ZNF484: variants seen among roughly 807,000 people sequenced by gnomAD.
The protein encoded by ZNF484 is KRAB box containing C2H2 type zinc finger bA526D8.4.
Under a neutral mutation model 12.9 loss-of-function variants are expected in ZNF484, and 11 were observed. The ratio of observed to expected loss-of-function variants is 0.85; its 90% CI spans 0.54 to 1.41. The LOEUF (loss-of-function observed/expected upper bound fraction) is 1.41. Ranked by LOEUF, ZNF484 falls within the 40% of genes most tolerant of loss-of-function variation. The probability of loss-of-function intolerance (pLI) is 0.00; values close to 1 mark genes in which losing one functional copy is unlikely to be tolerated. For synonymous variants in ZNF484, 289 were observed against 334.1 expected (o/e 0.86, Z 1.47); for missense variants, 807 against 1,007.7 (o/e 0.80, Z 2.70).
chr9:92,852,162 T>A (rs1856129589), intron 4 of ZNF484, among the ~76,000 whole-genome samples: 1 of 152,260 alleles, frequency 6.6e-6, no homozygotes. Flanking sequence ...AGTAAAAGCC[T>A]CAGTTATCAT....
intron 2 of ZNF484, among the ~76,000 whole-genome samples, chr9:92,866,106 T>C (rs892980917): frequency 9.2e-5 from 14 of 152,330 alleles, no homozygotes; most frequent in African/African-American, 3.4e-4. Context: ...AATGACACTT[T>C]GAACACACAC....
intron 2 of ZNF484, among the ~76,000 whole-genome samples, chr9:92,858,038 C>T (rs948775768): frequency 1.3e-5 from 2 of 152,018 alleles, no homozygotes; most frequent in Non-Finnish European, 2.9e-5. Context: ...CTGCCTACAA[C>T]TTATTATACA....
Position 92,844,230 on chromosome 9 carries a change from C to T in ZNF484, c.*1998G>A, listed in dbSNP as rs911183186. On this transcript the variant is annotated 3_prime_UTR_variant, in exon 5 of 5. Transcript: ENST00000375495. ...ATTGTCTGGCAAGTGATATAAAAATCACCATATGAGGAGATAGGACATCAG... is the reference window on the plus strand; with the variant it reads ...ATTGTCTGGCAAGTGATATAAAAATTACCATATGAGGAGATAGGACATCAG... Among the ~76,000 whole-genome samples the T allele has an allele frequency of 6.6e-6, 1 of 152,140 alleles. No homozygotes were observed. Among genetic ancestry groups the T allele is most frequent in the Non-Finnish European group, 1.5e-5 (1 of 68,024 alleles).
At position 92,856,195 on chromosome 9, in the gene ZNF484, C is replaced by A; in HGVS notation, c.139G>T (p.Val47Leu). ...TACCCAGCAGAGCCGTGCTTACCCACTGAGATCAAGTTGAAATAGTTTTCC... is the reference window on the plus strand; with the variant it reads ...TACCCAGCAGAGCCGTGCTTACCCAATGAGATCAAGTTGAAATAGTTTTCC... The part of the protein sequence containing the change: ...MLENYFNLIS[V>L]GCQVPKPEVI... The change falls in exon 3 of 5, where the codon GTG becomes TTG. Residue 47 changes from valine to leucine, a missense_variant. Physicochemically the swap from Val to Leu is conservative, Grantham distance 32 (BLOSUM62 1). Coordinates refer to ENST00000375495, the MANE Select transcript of ZNF484 (RefSeq NM_031486.4). 6.2e-7 allele frequency: 1 copy of A among 1,613,764 alleles called. No individual in the cohort carries two copies. Among genetic ancestry groups the A allele is most frequent in the Non-Finnish European group, 8.5e-7 (1 of 1,179,918 alleles).
chr9:92,867,603 A>G (rs556434657), intron 2 of ZNF484, among the ~76,000 whole-genome samples: 23 of 152,352 alleles, frequency 1.5e-4, no homozygotes, highest in South Asian at 1.2e-3. Flanking sequence ...CATTCTGCAC[A>G]TGTATCCTGG....
chr9:92,871,000 C>G (rs1038018750), intron 2 of ZNF484, among the ~76,000 whole-genome samples: 3 of 152,164 alleles, frequency 2.0e-5, no homozygotes, highest in Non-Finnish European at 2.9e-5. Flanking sequence ...CAAATAAGAT[C>G]TAGAGTCTCA....
At position 92,858,616 on chromosome 9, in the gene ZNF484, A is replaced by G. The variant is rs377157937; in HGVS notation, c.16-2298T>C. ...CAAAATTTAAAATAATGGAAATAAT[A>G]ATGCAAAAATGGGAGGCAGTAAATA... On this transcript the variant is annotated intron_variant, in intron 2 of 4. Coordinates refer to ENST00000375495, the MANE Select transcript of ZNF484 (RefSeq NM_031486.4). Among the ~76,000 whole-genome samples, 27 of 152,340 alleles carry G rather than the reference A, an allele frequency of 1.8e-4. 1 individual carries two copies. In the East Asian group the frequency reaches 3.1e-3, roughly 17 times the overall value.
chr9:92,856,125 TCTA>T (rs1856433474), intron 3 of ZNF484, 64 bp downstream of exon 3: 2 of 1,590,172 alleles, frequency 1.3e-6, no homozygotes, highest in Non-Finnish European at 1.7e-6. Flanking sequence ...CTTCAGCAAT[TCTA>T]CTGAGAAGAA....
At position 92,848,197 on chromosome 9, in the gene ZNF484, G is replaced by A. The variant is rs976052507; in HGVS notation, c.590C>T (p.Ala197Val). Residue 197 changes from alanine to valine, a missense_variant, in exon 5 of 5, where the codon GCA becomes GTA. Ala to Val is a moderately conservative substitution (Grantham distance 64, BLOSUM62 0). Transcript: ENST00000375495. The surrounding 1 kb of genome is among the most constrained non-coding windows in gnomAD (Gnocchi z 4.1). ...PIITLYNRNN[A>V]TENSDKTIGD... is the part of the protein sequence containing the mutation. ...AATAGTCTTATCAGAATTTTCTGTT[G>A]CATTGTTTCTATTATATAAGGTTAT... 6.2e-7 allele frequency: 1 copy of A among 1,614,038 alleles called. No individual in the cohort carries two copies. Among genetic ancestry groups the A allele is most frequent in the African/African-American group, 1.3e-5 (1 of 75,014 alleles).
intron 2 of ZNF484, among the ~76,000 whole-genome samples, chr9:92,861,647 T>G (rs1478906462): frequency 3.3e-5 from 5 of 152,144 alleles, no homozygotes; most frequent in Non-Finnish European, 7.4e-5. Flanking sequence ...AAATGATTGT[T>G]TCATCAATTC....
chr9:92,875,450 G>C (rs948134044), intron 1 of ZNF484, among the ~76,000 whole-genome samples: 3 of 152,120 alleles, frequency 2.0e-5, no homozygotes, highest in Non-Finnish European at 2.9e-5. Context: ...TTGGTGCCCA[G>C]AGACTACTCC....
chr9:92,859,448 T>G (rs1356763178), intron 2 of ZNF484, among the ~76,000 whole-genome samples: 1 of 152,054 alleles, frequency 6.6e-6, no homozygotes, highest in East Asian at 1.9e-4. Context: ...GAGAGGGAGC[T>G]CCTACATATT....
At position 92,855,828 on chromosome 9, in the gene ZNF484, G is replaced by A. The variant is rs1348303460; in HGVS notation, c.218C>T (p.Pro73Leu). ...EEPCMLDGEI[P>L]SQSRPDGDIG... ...CTTCTCACCTGGACGGCTCTGACTG[G>A]GGATCTCACCATCCAACATACATGG... Residue 73 changes from proline (P) to leucine (L), a missense_variant, in exon 4 of 5, where the codon CCC becomes CTC. Coordinates refer to ENST00000375495, the MANE Select transcript of ZNF484 (RefSeq NM_031486.4). 5 of 1,613,938 alleles carry A rather than the reference G, an allele frequency of 3.1e-6. No individual in the cohort carries two copies. In the African/African-American group the frequency reaches 6.7e-5, roughly 22 times the overall value.
At chr9:92,865,714 C>T (rs930501146) in intron 2 of ZNF484, among the ~76,000 whole-genome samples, 1 of 151,994 alleles carries the variant, frequency 6.6e-6, no homozygotes, top group Non-Finnish European at 1.5e-5. Context: ...CAAGACTAGC[C>T]TGCGCAACAT....
intron 4 of ZNF484, among the ~76,000 whole-genome samples, chr9:92,851,250 T>C (rs754256302): frequency 1.3e-5 from 2 of 152,260 alleles, no homozygotes; most frequent in Non-Finnish European, 2.9e-5. Context: ...GGCAATGCCC[T>C]AGGGCAGGGG....
intron 2 of ZNF484, among the ~76,000 whole-genome samples, chr9:92,862,797 A>T (rs1856850652): frequency 6.6e-6 from 1 of 152,176 alleles, no homozygotes; most frequent in South Asian, 2.1e-4. Flanking sequence ...GAGAAATAGG[A>T]ACGCTTTTAC....
At chr9:92,870,637 G>GAC (rs1857374543) in intron 2 of ZNF484, among the ~76,000 whole-genome samples, 1 of 152,210 alleles carries the variant, frequency 6.6e-6, no homozygotes, top group Admixed American at 6.5e-5. Context: ...GCAGTAATGC[G>GAC]ACACTCTTCC....
intron 2 of ZNF484, among the ~76,000 whole-genome samples, chr9:92,863,808 C>T (rs917700514): frequency 1.3e-5 from 2 of 152,120 alleles, no homozygotes; most frequent in Non-Finnish European, 2.9e-5. Context: ...GGACGTTAGG[C>T]AGAGGCCTAG....
chr9:92,864,965 C>T (rs892192337), intron 2 of ZNF484, among the ~76,000 whole-genome samples: 15 of 151,988 alleles, frequency 9.9e-5, no homozygotes, highest in South Asian at 8.3e-4. Flanking sequence ...AAGGATTATA[C>T]AGAAGATCTG....
Sources: gnomAD v4.1 joint callset for allele counts (sites outside exome capture counted in the v4.1 genomes callset) on GRCh38, gnomAD v4.1.1 for gene constraint, Gnocchi (gnomAD v3.1) non-coding constraint, MANE v1.5 for transcripts, NCBI Gene and HGNC (gene_info 2026-07-23, HGNC 2026-07-21) for gene names.